Variants in SETBP1 observed in about 807,000 individuals in gnomAD.
SETBP1 encodes SET-binding protein.
Under a neutral mutation model 101.0 loss-of-function variants are expected in SETBP1, and 9 were observed. That is an observed-to-expected ratio of 0.09 (90% confidence interval 0.05 to 0.16). The LOEUF is 0.16. SETBP1 is among the 10% of genes least tolerant of loss of function. The pLI, the probability that SETBP1 is intolerant of heterozygous loss-of-function variation, is 1.00. For missense variants in SETBP1, 1,858 were observed against 2,033.8 expected (o/e 0.91, Z 1.66); for synonymous variants, 818 against 788.5 (o/e 1.04, Z -0.63).
chr18:44,882,592 G>A (rs2069555306), intron 3 of SETBP1, among the ~76,000 whole-genome samples: 2 of 151,648 alleles, frequency 1.3e-5, no homozygotes, highest in Non-Finnish European at 2.9e-5. Context: ...AAATTCAAAA[G>A]CAGCTTCCAT....
At chr18:44,917,045 G>T (rs1284165363) in intron 3 of SETBP1, among the ~76,000 whole-genome samples, 2 of 152,198 alleles carry the variant, frequency 1.3e-5, no homozygotes, top group Non-Finnish European at 2.9e-5. Flanking sequence ...TTGATTCTGG[G>T]GAACCCCATC....
chr18:44,948,089 C>T (rs940378961), intron 3 of SETBP1, among the ~76,000 whole-genome samples: 1 of 152,320 alleles, frequency 6.6e-6, no homozygotes, highest in South Asian at 2.1e-4. Flanking sequence ...ATGTCCACAG[C>T]AGTAATGCCA....
intron 5 of SETBP1, among the ~76,000 whole-genome samples, chr18:45,058,226 C>G (rs961784656): frequency 6.6e-6 from 1 of 152,146 alleles, no homozygotes; most frequent in Non-Finnish European, 1.5e-5. Context: ...TGGAATCAAT[C>G]TTGCAGCAAG....
At chr18:45,032,904 A>G (rs1414237952) in intron 4 of SETBP1, among the ~76,000 whole-genome samples, 1 of 152,220 alleles carries the variant, frequency 6.6e-6, no homozygotes, top group Non-Finnish European at 1.5e-5. Context: ...AAAAAGCCAC[A>G]GCTACCCTTA....
At chr18:44,910,383 T>G (rs550270928) in intron 3 of SETBP1, among the ~76,000 whole-genome samples, 3 of 152,200 alleles carry the variant, frequency 2.0e-5, no homozygotes. Context: ...CAGAGCTCCA[T>G]TGAAACCAAA....
At chr18:44,699,640 GCTT>G (rs2069080879) in intron 1 of SETBP1, among the ~76,000 whole-genome samples, 1 of 152,210 alleles carries the variant, frequency 6.6e-6, no homozygotes, top group Non-Finnish European at 1.5e-5. Context: ...CACTAGGGCA[GCTT>G]CTTCTTTTTC....
At chr18:44,766,165 G>A (rs1026843285) in intron 2 of SETBP1, among the ~76,000 whole-genome samples, 8 of 152,192 alleles carry the variant, frequency 5.3e-5, no homozygotes, top group African/African-American at 1.7e-4. Context: ...TGGTAAAGGA[G>A]GCTTACTGTT....
chr18:44,935,306 C>T (rs964649039), intron 3 of SETBP1, among the ~76,000 whole-genome samples: 8 of 152,120 alleles, frequency 5.3e-5, no homozygotes, highest in African/African-American at 1.9e-4. Context: ...TGGCAAAAAA[C>T]ACCAGTTTGG....
chr18:44,860,684 T>C (rs2068986022), intron 2 of SETBP1, among the ~76,000 whole-genome samples: 2 of 151,890 alleles, frequency 1.3e-5, no homozygotes, highest in Non-Finnish European at 2.9e-5. Flanking sequence ...GAGGCAGAGG[T>C]TGCTGTGAGC....
At chr18:44,848,294 ATAT>A (rs577309071) in intron 2 of SETBP1, among the ~76,000 whole-genome samples, 50 of 152,216 alleles carry the variant, frequency 3.3e-4, no homozygotes, top group African/African-American at 1.2e-3. Context: ...AAAATTACAG[ATAT>A]TATTACAATT....
chr18:44,952,415 C>T lies in SETBP1; in HGVS notation c.3075C>T (p.Thr1025=), dbSNP rs1470799649. 1 of 1,614,154 alleles carries T rather than the reference C, an allele frequency of 6.2e-7. No individual in the cohort carries two copies. Among genetic ancestry groups the T allele is most frequent in the Non-Finnish European group, 8.5e-7 (1 of 1,180,034 alleles). The change falls in exon 4 of 6, where the codon ACC becomes ACT. Residue 1025 remains threonine (T), a synonymous_variant. Transcript: ENST00000649279. ...SKKKRGRPAK[T]NDTMTKVPFL... is the part of the protein sequence containing the mutation. ...AGAAGCGTGGTAGGCCTGCAAAAACCAATGACACCATGACAAAGGTGCCTT... is the reference window on the plus strand; with the variant it reads ...AGAAGCGTGGTAGGCCTGCAAAAACTAATGACACCATGACAAAGGTGCCTT...
Position 45,024,427 on chromosome 18 carries a change from A to G in SETBP1, c.4001-14058A>G, listed in dbSNP as rs190413743. Among the ~76,000 whole-genome samples the G allele has an allele frequency of 3.7e-4, 57 of 152,190 alleles. No individual in the cohort carries two copies. In the South Asian group the frequency reaches 6.7e-3, roughly 18 times the overall value. ...CATTCTGCCTCCATAGCAGTCTGTGAATCTTTGACTCAGAGGCAATATCTC... is the reference window on the plus strand; with the variant it reads ...CATTCTGCCTCCATAGCAGTCTGTGGATCTTTGACTCAGAGGCAATATCTC... On this transcript the variant is annotated intron_variant, in intron 4 of 5. Transcript: ENST00000649279.
At position 44,949,886 on chromosome 18, in the gene SETBP1, C is replaced by T. The variant is rs759868813; in HGVS notation, c.546C>T (p.Tyr182=). 1.3e-5 allele frequency: 21 copies of T among 1,612,716 alleles called. No homozygotes were observed. The highest frequency in any genetic ancestry group is 5.5e-5 in the South Asian group (5 of 91,066). The change falls in exon 4 of 6, where the codon TAC becomes TAT. Residue 182 remains tyrosine (Y), a synonymous_variant. Transcript: ENST00000649279. ...TCCACTCCACCCACCCTTAGGCTTA[C>T]GAGAGGCCCCAGAAACATTCAACTC... ...SDLKGFQPQA[Y]ERPQKHSTLH...
At chr18:44,739,465 C>A (rs2070050365) in intron 2 of SETBP1, among the ~76,000 whole-genome samples, 1 of 152,034 alleles carries the variant, frequency 6.6e-6, no homozygotes, top group African/African-American at 2.4e-5. Context: ...GCTTTTTAAA[C>A]AAAAAGCAAT....
At chr18:44,756,303 C>CG (rs1434479181) in intron 2 of SETBP1, among the ~76,000 whole-genome samples, 1 of 152,098 alleles carries the variant, frequency 6.6e-6, no homozygotes, top group Non-Finnish European at 1.5e-5. Context: ...TAATGTGCCT[C>CG]GTGAGTCTCC....
rs1030288602 is a variant in SETBP1, at chr18:44,701,835, A to G, written c.486+3A>G. 1 of 1,612,162 alleles carries G rather than the reference A, an allele frequency of 6.2e-7. No homozygotes were observed. The highest frequency in any genetic ancestry group is 8.5e-7 in the Non-Finnish European group (1 of 1,180,000). ...AAAGAAGCCACTCCAAAAAGAAGGT[A>G]GGAAGCCCTGTCTTATGGTTGTTTT... On this transcript the variant is annotated splice_donor_region_variant and intron_variant, in intron 2 of 5. Transcript: ENST00000649279.
chr18:45,015,261 G>C (rs546076269), intron 4 of SETBP1, among the ~76,000 whole-genome samples: 2 of 152,194 alleles, frequency 1.3e-5, no homozygotes, highest in Non-Finnish European at 2.9e-5. Flanking sequence ...TACTCTAGGG[G>C]TCTGGGCAAG....
chr18:44,700,255 T>G (rs538137902), intron 1 of SETBP1, among the ~76,000 whole-genome samples: 1 of 152,228 alleles, frequency 6.6e-6, no homozygotes, highest in African/African-American at 2.4e-5. Context: ...TAACTGATTT[T>G]TCTCTTCTCA....
intron 4 of SETBP1, among the ~76,000 whole-genome samples, chr18:45,013,117 C>T (rs548556248): frequency 1.3e-5 from 2 of 152,358 alleles, no homozygotes; most frequent in East Asian, 1.9e-4. Flanking sequence ...GGTTGAGCCC[C>T]GTGGTGTCTG....
Sources: gnomAD v4.1 joint callset for allele counts (sites outside exome capture counted in the v4.1 genomes callset) on GRCh38, gnomAD v4.1.1 for gene constraint, MANE v1.5 for transcripts, NCBI Gene and HGNC (gene_info 2026-07-23, HGNC 2026-07-21) for gene names.